ALPK2: variants seen among roughly 807,000 people sequenced by gnomAD.
The protein encoded by ALPK2 is alpha kinase 2.
In ALPK2, 127 loss-of-function variants were observed where a neutral mutation model predicts 163.1. The observed-to-expected ratio is 0.78, with a 90% CI of 0.67 to 0.90. The LOEUF is 0.90. Among genes scored for constraint, ALPK2 ranks in the 40% least tolerant of loss-of-function variants. The pLI is 0.00. For synonymous variants in ALPK2, 953 were observed against 959.1 expected, an observed-to-expected ratio of 0.99 and a Z score of 0.12; for missense variants, 2,360 against 2,589.6, an observed-to-expected ratio of 0.91 and a Z score of 1.92.
intron 4 of ALPK2, among the ~76,000 whole-genome samples, chr18:58,571,995 AAAAG>A (rs1191959819): frequency 6.6e-6 from 1 of 151,322 alleles, no homozygotes; most frequent in African/African-American, 2.4e-5. Context: ...AAAAAAAAAA[AAAAG>A]GTGTGTAAAC....
At chr18:58,526,330 T>A (rs1342177247) in intron 6 of ALPK2, among the ~76,000 whole-genome samples, 1 of 152,118 alleles carries the variant, frequency 6.6e-6, no homozygotes, top group Non-Finnish European at 1.5e-5. Flanking sequence ...TCACCAGCCC[T>A]AAGGAGCCAG....
intron 1 of ALPK2, among the ~76,000 whole-genome samples, chr18:58,623,024 C>T (rs956240549): frequency 2.6e-5 from 4 of 151,786 alleles, no homozygotes; most frequent in Middle Eastern, 3.5e-3. Flanking sequence ...TAACTGAGCC[C>T]GAGTGTAGTT....
At position 58,488,305 on chromosome 18, in the gene ALPK2, A is replaced by G. The variant is rs1485533939; in HGVS notation, c.6297-6266T>C. ...AACAAAGATTTATTCAAGATTTGCT[A>G]TGTGTTAGAAACTGTGCCAGGCTGA... is the stretch of plus-strand genomic sequence containing the variant. On this transcript the variant is annotated intron_variant, in intron 12 of 12. Transcript: ENST00000361673. 4.7e-5 allele frequency among the ~76,000 whole-genome samples: 7 copies of G among 149,088 alleles called. 1 individual carries two copies. The Admixed American group carries it at 4.7e-4, about 10-fold the overall frequency.
chr18:58,565,782 TCTTTCTTC>T (rs1298048144), intron 4 of ALPK2, among the ~76,000 whole-genome samples: 527 of 138,358 alleles, frequency 3.8e-3, no homozygotes, highest in African/African-American at 0.012. Flanking sequence ...TTTCTTTCTT[TCTTTCTTC>T]CTTTCTTCCT....
intron 11 of ALPK2, among the ~76,000 whole-genome samples, chr18:58,500,492 A>G (rs1170863574): frequency 1.3e-5 from 2 of 152,264 alleles, no homozygotes; most frequent in African/African-American, 4.8e-5. Flanking sequence ...ATGATTTGCC[A>G]GCAATTATGT....
At chr18:58,568,843 C>G (rs2051870503) in intron 4 of ALPK2, among the ~76,000 whole-genome samples, 1 of 152,152 alleles carries the variant, frequency 6.6e-6, no homozygotes, top group African/African-American at 2.4e-5. Flanking sequence ...ATATCAGAGA[C>G]ATGAGCATCC....
intron 12 of ALPK2, among the ~76,000 whole-genome samples, chr18:58,493,956 G>A (rs1297869062): frequency 6.6e-6 from 1 of 152,162 alleles, no homozygotes; most frequent in African/African-American, 2.4e-5. Context: ...AGACTACAAA[G>A]GGCAAAGTAT....
chr18:58,583,594 A>T (rs1423598598), intron 3 of ALPK2, among the ~76,000 whole-genome samples: 1 of 152,074 alleles, frequency 6.6e-6, no homozygotes, highest in African/African-American at 2.4e-5. Context: ...TGGGAGAATC[A>T]GTTGAGCCTA....
chr18:58,592,900 C>T (rs77682003), intron 3 of ALPK2, among the ~76,000 whole-genome samples: 2,916 of 152,264 alleles, frequency 0.019, 82 homozygotes, highest in African/African-American at 0.064. Context: ...GGGATTAACT[C>T]CTATAAAGTG....
chr18:58,514,219 T>C (rs2051509196), intron 10 of ALPK2, among the ~76,000 whole-genome samples: 1 of 152,222 alleles, frequency 6.6e-6, no homozygotes, highest in African/African-American at 2.4e-5. Flanking sequence ...GTCTTCCAAA[T>C]GTACCACCCA....
In ALPK2 at chr18:58,579,158, G is replaced by T; in HGVS notation, c.1618C>A (p.Pro540Thr). The change falls in exon 4 of 13, where the codon CCG becomes ACG. Residue 540 changes from proline (P) to threonine (T), a missense_variant. By Grantham distance (38) the Pro-to-Thr change is conservative. Coordinates refer to ENST00000361673, the MANE Select transcript of ALPK2 (RefSeq NM_052947.4). ...GSRKSARVRQPGMKGNPKKPN... is the reference protein window; with the variant it reads ...GSRKSARVRQTGMKGNPKKPN... ...TTCTTGGGATTTCCCTTCATTCCCG[G>T]CTGCCTCACCCTGGCAGATTTCCTT... 1 of 1,614,114 alleles carries T rather than the reference G, an allele frequency of 6.2e-7. No individual in the cohort carries two copies. The highest frequency in any genetic ancestry group is 8.5e-7 in the Non-Finnish European group (1 of 1,180,022).
At chr18:58,506,161 G>C (rs1336573880) in intron 10 of ALPK2, among the ~76,000 whole-genome samples, 1 of 152,028 alleles carries the variant, frequency 6.6e-6, no homozygotes, top group East Asian at 1.9e-4. Context: ...ATTTAACTCT[G>C]CATTGGGCAC....
At chr18:58,604,260 A>C (rs2052086534) in intron 3 of ALPK2, among the ~76,000 whole-genome samples, 3 of 152,204 alleles carry the variant, frequency 2.0e-5, no homozygotes, top group African/African-American at 7.2e-5. Context: ...GAGCTAATCC[A>C]GGGGTTGACG....
At chr18:58,570,044 T>G (rs918476758) in intron 4 of ALPK2, among the ~76,000 whole-genome samples, 1 of 151,546 alleles carries the variant, frequency 6.6e-6, no homozygotes, top group South Asian at 2.1e-4. Context: ...GCAGGAGAAT[T>G]GCTTGAACCC....
chr18:58,574,610 A>G (rs897392825), intron 4 of ALPK2, among the ~76,000 whole-genome samples: 1 of 152,026 alleles, frequency 6.6e-6, no homozygotes, highest in African/African-American at 2.4e-5. Context: ...CAAGGGATCT[A>G]GGTTGCACAG....
chr18:58,512,875 G>A lies in ALPK2; in HGVS notation c.6029+2118C>T, dbSNP rs544020834. On this transcript the variant is annotated intron_variant, in intron 10 of 12. Coordinates refer to ENST00000361673, the MANE Select transcript of ALPK2 (RefSeq NM_052947.4). ...GTGTGTGTGGTGTGTTGTATGTGTG[G>A]TGTGTGTGGGGGTGTGTAATGCGTA... Among the ~76,000 whole-genome samples, 1,174 of 142,100 alleles carry A rather than the reference G, an allele frequency of 8.3e-3. 19 individuals carry two copies. Among genetic ancestry groups the A allele is most frequent in the Non-Finnish European group, 8.6e-3 (560 of 65,334 alleles). The allele number at this position is 142,100 out of a possible 152,430, so 93.2% of individuals were successfully genotyped here.
At chr18:58,485,469 C>T (rs2051333913) in intron 12 of ALPK2, among the ~76,000 whole-genome samples, 1 of 152,214 alleles carries the variant, frequency 6.6e-6, no homozygotes, top group African/African-American at 2.4e-5. Context: ...TCCAGCTGCC[C>T]CTCCTCCTCC....
chr18:58,550,131 G>A (rs1457367204), intron 4 of ALPK2, among the ~76,000 whole-genome samples: 1 of 152,028 alleles, frequency 6.6e-6, no homozygotes, highest in Non-Finnish European at 1.5e-5. Flanking sequence ...TCTCAACAAA[G>A]CCAGACTGTA....
intron 5 of ALPK2, 78 bp from the exon 6 acceptor site, chr18:58,529,316 G>A (rs1602202669): frequency 7.4e-7 from 1 of 1,356,680 alleles, no homozygotes; most frequent in Non-Finnish European, 1.0e-6. Context: ...TAACAATCCT[G>A]AGAGACAGGA....
Sources: gnomAD v4.1 joint callset for allele counts (sites outside exome capture counted in the v4.1 genomes callset) on GRCh38, gnomAD v4.1.1 for gene constraint, MANE v1.5 for transcripts, NCBI Gene and HGNC (gene_info 2026-07-23, HGNC 2026-07-21) for gene names.